The following ANO8 variants were observed in gnomAD, a reference collection of about 807,000 sequenced individuals.
ANO8 encodes anoctamin 8.
In ANO8, 67 loss-of-function variants were observed where a neutral mutation model predicts 120.4. The observed-to-expected ratio is 0.56, with a 90% CI of 0.46 to 0.68. The LOEUF is 0.68. Among genes scored for constraint, ANO8 ranks in the 30% least tolerant of loss-of-function variants. ANO8 has a pLI of 0.00. For synonymous variants in ANO8, 727 were observed against 759.2 expected, an observed-to-expected ratio of 0.96 and a Z score of 0.70; for missense variants, 1,526 against 1,737.6, an observed-to-expected ratio of 0.88 and a Z score of 2.16.
rs73511896 is a variant in ANO8, at chr19:17,328,569, G to A, written c.1819C>T (p.Leu607Phe). 2,765 of 1,547,590 alleles carry A rather than the reference G, an allele frequency of 1.8e-3. 37 individuals carry two copies. In the African/African-American group the frequency reaches 0.032, roughly 18 times the overall value. The change falls in exon 13 of 18, where the codon CTC becomes TTC. Residue 607 changes from leucine (L) to phenylalanine (F), a missense_variant. Coordinates refer to ENST00000159087, the MANE Select transcript of ANO8 (RefSeq NM_020959.3). The part of the protein sequence containing the change: ...EDEEEGEEGG[L>F]LDCGLRLKKV... ...TTCAGCCGGAGCCCGCAGTCCAGGA[G>A]GCCCCCTTCCTCGCCCTCCTCCTCG...
At position 17,330,704 on chromosome 19, in the gene ANO8, G is replaced by A. The variant is rs1261357389; in HGVS notation, c.993+124C>T. 4.8e-6 allele frequency: 7 copies of A among 1,447,596 alleles called. No individual in the cohort carries two copies. In the South Asian group the frequency reaches 5.4e-5, roughly 11 times the overall value. 89.7% of individuals were successfully genotyped at this position (1,447,596 alleles called of 1,614,324 possible). On this transcript the variant is annotated intron_variant, in intron 8 of 17. Transcript: ENST00000159087. ...CTGGGGAGCACACAGAGCCCGCCTC[G>A]GTTTGGCATACCCTCTTTGATGAAA... is the stretch of plus-strand genomic sequence containing the variant.
chr19:17,331,047 C>T, intron 7 of ANO8, 41 bp downstream of exon 7: 1 of 1,613,578 alleles, frequency 6.2e-7, no homozygotes, highest in East Asian at 2.2e-5. Flanking sequence ...AAGGAGGGCG[C>T]CTCTGGATCC....
At position 17,331,320 on chromosome 19, in the gene ANO8, C is replaced by A. The variant is rs1336543063; in HGVS notation, c.678G>T (p.Gln226His). The A allele has an allele frequency of 1.9e-6, 3 of 1,614,064 alleles. No individual in the cohort carries two copies. The African/African-American group carries it at 4.0e-5, about 22-fold the overall frequency. The change falls in exon 6 of 18, where the codon CAG becomes CAT. Residue 226 changes from glutamine to histidine, a missense_variant. Around this residue, in one of 8 missense-constraint regions of ANO8, gnomAD observed 322 missense variants for 431.8 expected, o/e 0.75. Transcript: ENST00000159087. The stretch of plus-strand genomic sequence containing the variant: ...CTAGAGGCTGGTTTTCACACACGGC[C>A]TGCACCCATGACTTCATGAGGCGGT... ...ILNRLMKSWV[Q>H]AVCENQPLDD...
chr19:17,328,268 C>G lies in ANO8; in HGVS notation c.2120G>C (p.Arg707Pro). 6.2e-7 allele frequency: 1 copy of G among 1,610,608 alleles called. No homozygotes were observed. Among genetic ancestry groups the G allele is most frequent in the Non-Finnish European group, 8.5e-7 (1 of 1,178,850 alleles). The change falls in exon 13 of 18, where the codon CGT becomes CCT. Residue 707 changes from arginine to proline, a missense_variant. Physicochemically the swap from Arg to Pro is moderately radical, Grantham distance 103. Coordinates refer to ENST00000159087, the MANE Select transcript of ANO8 (RefSeq NM_020959.3). ...PEPGSNSDSTRRQRRQNRSSW... is the reference protein window; with the variant it reads ...PEPGSNSDSTPRQRRQNRSSW... The stretch of plus-strand genomic sequence containing the variant: ...CGACCGGTTCTGCCGTCTCTGCCTA[C>G]GGGTCGAATCGCTGTTGGAGCCGGG...
rs1656521731 is a variant in ANO8, at chr19:17,333,554, T to C, written c.218A>G (p.Asp73Gly). Reference sequence around the variant, plus strand: ...TAGCAGCGTGTGGTCATCGGTCGTGTCTGCCAAGGGGCACAGGGACCGATG... The same window carrying C: ...TAGCAGCGTGTGGTCATCGGTCGTGCCTGCCAAGGGGCACAGGGACCGATG... ...ENCDVLMTFP[D>G]TTDDHTLLWL... Residue 73 changes from aspartate to glycine, a missense_variant and splice_region_variant, in exon 3 of 18, where the codon GAC (aspartate) becomes GGC (glycine). Asp to Gly is a moderately conservative substitution (Grantham distance 94). Around this residue, in one of 8 missense-constraint regions of ANO8, gnomAD observed 322 missense variants for 431.8 expected, o/e 0.75. Transcript: ENST00000159087. The surrounding 1 kb of genome is among the most constrained non-coding windows in gnomAD (Gnocchi z 7.2). The C allele has an allele frequency of 1.9e-6, 3 of 1,612,680 alleles. No homozygotes were observed. Among genetic ancestry groups the C allele is most frequent in the Non-Finnish European group, 2.5e-6 (3 of 1,179,946 alleles).
In ANO8 at chr19:17,333,220, C is replaced by T. The variant is rs1307854787; in HGVS notation, c.370G>A (p.Glu124Lys). The change falls in exon 4 of 18, where the codon GAG (glutamate) becomes AAG (lysine). Residue 124 changes from glutamate (E) to lysine (K), a missense_variant. Glu to Lys is a moderately conservative substitution (Grantham distance 56). Transcript: ENST00000159087. The surrounding 1 kb of genome is among the most constrained non-coding windows in gnomAD (Gnocchi z 7.2). ...TTCACTGCTTTGCGCAGACCCAGCTCGTCGGCCCCTCGGAGTAGGCTGTGA... is the reference window on the plus strand; with the variant it reads ...TTCACTGCTTTGCGCAGACCCAGCTTGTCGGCCCCTCGGAGTAGGCTGTGA... ...TYESLLRGADELGLRKAVKAE... is the reference protein window; with the variant it reads ...TYESLLRGADKLGLRKAVKAE... 1.2e-6 allele frequency: 2 copies of T among 1,609,994 alleles called. No homozygotes were observed. Among genetic ancestry groups the T allele is most frequent in the South Asian group, 1.1e-5 (1 of 90,778 alleles).
intron 5 of ANO8, 108 bp downstream of exon 5, chr19:17,332,822 C>A: frequency 2.3e-6 from 3 of 1,282,478 alleles, no homozygotes; most frequent in Non-Finnish European, 1.1e-6. Flanking sequence ...TCTTTGCCAA[C>A]CCCTGACTGG....
intron 1 of ANO8, 136 bp downstream of exon 1, chr19:17,334,429 G>C (rs1157847132): frequency 2.5e-6 from 2 of 789,134 alleles, no homozygotes; most frequent in Non-Finnish European, 3.9e-6. Context: ...GGCCGCAGCC[G>C]CAGTGCCGGG....
rs1304486168 is a variant in ANO8 at position 17,327,919 on chromosome 19, C to G, written c.2227-39G>C. ...GGCCTCAGACCTGGAAGCCTCTTCCCTGGGACAATCTTTCTCCCATTGAGC... is the reference window on the plus strand; with the variant it reads ...GGCCTCAGACCTGGAAGCCTCTTCCGTGGGACAATCTTTCTCCCATTGAGC... On this transcript the variant is annotated intron_variant, in intron 13 of 17. Transcript: ENST00000159087. The G allele has an allele frequency of 1.1e-5, 18 of 1,594,456 alleles. No individual in the cohort carries two copies. The South Asian group carries it at 2.0e-4, about 18-fold the overall frequency.
In ANO8 at chr19:17,330,340, A is replaced by C. The variant is rs760295764; in HGVS notation, c.1146+12T>G. ...TACCAAGGACAGGGCGGGTGAGGGT[A>C]TGGGGGGTCACCTGCAGCTGGAAGC... On this transcript the variant is annotated intron_variant, in intron 9 of 17. Transcript: ENST00000159087. 1 of 1,606,042 alleles carries C rather than the reference A, an allele frequency of 6.2e-7. No individual in the cohort carries two copies. Among genetic ancestry groups the C allele is most frequent in the Admixed American group, 1.7e-5 (1 of 59,310 alleles).
chr19:17,334,794 G>C lies in ANO8; in HGVS notation c.-124C>G, dbSNP rs939800819. The C allele has an allele frequency of 2.6e-6, 3 of 1,163,002 alleles. No homozygotes were observed. The highest frequency in any genetic ancestry group is 3.4e-6 in the Non-Finnish European group (3 of 877,566). The allele number at this position is 1,163,002 out of a possible 1,614,324, so 72.0% of individuals were successfully genotyped here. A position where few individuals can be genotyped will look rare whatever the true frequency, so the allele number is the denominator to read the frequency against. On this transcript the variant is annotated 5_prime_UTR_variant, in exon 1 of 18. Coordinates refer to ENST00000159087, the MANE Select transcript of ANO8 (RefSeq NM_020959.3). Reference sequence around the variant, plus strand: ...GACAAAGGCCGCGCCCGCCCGCGCCGGCCTCGGTCCTCGCTCGCCCGAGCG... The same window carrying C: ...GACAAAGGCCGCGCCCGCCCGCGCCCGCCTCGGTCCTCGCTCGCCCGAGCG...
At position 17,332,978 on chromosome 19, in the gene ANO8, G is replaced by A. The variant is rs761091113; in HGVS notation, c.538C>T (p.Gln180Ter). 1.2e-6 allele frequency: 2 copies of A among 1,614,184 alleles called. No individual in the cohort carries two copies. Residue 180 changes from glutamine (Q) to a stop codon, truncating the protein, a stop_gained, in exon 5 of 18, where the codon CAG becomes TAG. Transcript: ENST00000159087. LOFTEE classifies it high-confidence loss of function. ...RFWLQNLRAK[Q>*]GEALHNVRFL... ...CGCACGTTGTGGAGTGCTTCTCCCT[G>A]CTTGGCACGCAAATTCTGCAGCCAG...
In ANO8 at chr19:17,334,752, A is replaced by G; in HGVS notation, c.-82T>C. On this transcript the variant is annotated 5_prime_UTR_variant, in exon 1 of 18. Transcript: ENST00000159087. ...GCTCATGGGGCCGGTGCAGCCGCGG[A>G]GCGCGCGGGAGGAGGAGACAAAGGC... 8.1e-7 allele frequency: 1 copy of G among 1,233,358 alleles called. No homozygotes were observed. The allele number at this position is 1,233,358 out of a possible 1,614,324, so 76.4% of individuals were successfully genotyped here.
Position 17,334,717 on chromosome 19 carries a change from GGAGCCGCGGGCTCATGGGGCCGGT to G in ANO8, c.-71_-48del, listed in dbSNP as rs888495422. Reference sequence around the variant, plus strand: ...GGGCTACGGACGGCCCGGGCGACGGGGAGCCGCGGGCTCATGGGGCCGGTGCAGCCGCGGAGCGCGCGGGAGGAG... The same window carrying G: ...GGGCTACGGACGGCCCGGGCGACGGGGCAGCCGCGGAGCGCGCGGGAGGAG... On this transcript the variant is annotated 5_prime_UTR_variant, in exon 1 of 18. It removes an upstream start codon present in the reference 5' UTR. Transcript: ENST00000159087. 18 of 1,328,292 alleles carry G rather than the reference GGAGCCGCGGGCTCATGGGGCCGGT, an allele frequency of 1.4e-5. No individual in the cohort carries two copies. The highest frequency in any genetic ancestry group is 1.7e-5 in the Non-Finnish European group (18 of 1,036,448). The allele number at this position is 1,328,292 out of a possible 1,614,324, so 82.3% of individuals were successfully genotyped here.
chr19:17,324,699 C>CGAGT lies in ANO8; in HGVS notation c.3331+14_3331+17dup. The CGAGT allele has an allele frequency of 6.6e-7, 1 of 1,516,052 alleles. No homozygotes were observed. Among genetic ancestry groups the CGAGT allele is most frequent in the East Asian group, 2.3e-5 (1 of 43,926 alleles). 93.9% of individuals were successfully genotyped at this position (1,516,052 alleles called of 1,614,324 possible). A position where few individuals can be genotyped will look rare whatever the true frequency, so the allele number is the denominator to read the frequency against. ...AAAGCCGGCCCGGCGTCCCCACCCCCGAGTTAAAGCTTGTGACCTGAGCCT... is the reference window on the plus strand; with the variant it reads ...AAAGCCGGCCCGGCGTCCCCACCCCCGAGTGAGTTAAAGCTTGTGACCTGAGCCT... On this transcript the variant is annotated intron_variant, in intron 17 of 17. Coordinates refer to ENST00000159087, the MANE Select transcript of ANO8 (RefSeq NM_020959.3).
chr19:17,327,163 T>C (rs2074277920), intron 16 of ANO8, 72 bp downstream of exon 16: 2 of 1,303,552 alleles, frequency 1.5e-6, no homozygotes, highest in South Asian at 1.4e-5. Context: ...CGCTAAGGAA[T>C]TGGCCACCAA....
intron 16 of ANO8, among the ~76,000 whole-genome samples, chr19:17,326,871 C>T (rs560077136): frequency 1.3e-5 from 2 of 152,162 alleles, no homozygotes; most frequent in East Asian, 1.9e-4. Flanking sequence ...GGGCCAGCCT[C>T]GTGCTGGATG....
chr19:17,334,818 C>T lies in ANO8; in HGVS notation c.-148G>A. On this transcript the variant is annotated 5_prime_UTR_variant, in exon 1 of 18. Coordinates refer to ENST00000159087, the MANE Select transcript of ANO8 (RefSeq NM_020959.3). The stretch of plus-strand genomic sequence containing the variant: ...CGGCCTCGGTCCTCGCTCGCCCGAG[C>T]GCTGCTTCTCGTCCCCGCCCGAGCC... The T allele has an allele frequency of 8.2e-7, 1 of 1,224,852 alleles. No homozygotes were observed. The highest frequency in any genetic ancestry group is 1.5e-5 in the African/African-American group (1 of 64,618). The allele number at this position is 1,224,852 out of a possible 1,614,324, so 75.9% of individuals were successfully genotyped here.
At position 17,327,300 on chromosome 19, in the gene ANO8, C is replaced by T. The variant is rs899931873; in HGVS notation, c.2596G>A (p.Asp866Asn). 1.9e-6 allele frequency: 3 copies of T among 1,549,690 alleles called. No individual in the cohort carries two copies. Among genetic ancestry groups the T allele is most frequent in the Middle Eastern group, 2.2e-4 (1 of 4,604 alleles). ...LKYLIHVAIP[D>N]IPGWVAEEMA... Reference sequence around the variant, plus strand: ...TCCTCGGCCACCCAGCCCGGGATATCGGGGATGGCCACGTGGATGAGGTAC... The same window carrying T: ...TCCTCGGCCACCCAGCCCGGGATATTGGGGATGGCCACGTGGATGAGGTAC... Residue 866 changes from aspartate to asparagine, a missense_variant, in exon 16 of 18, where the codon GAT becomes AAT. Asp to Asn is a conservative substitution (Grantham distance 23). This residue lies in a region of ANO8 where 489 missense variants were observed against 548.6 expected (regional missense o/e 0.89). Coordinates refer to ENST00000159087, the MANE Select transcript of ANO8 (RefSeq NM_020959.3).
Sources: allele counts gnomAD v4.1 joint callset (sites outside exome capture counted in the v4.1 genomes callset), GRCh38; gene constraint gnomAD v4.1.1; regional missense constraint gnomAD v4.1.1; non-coding constraint Gnocchi (gnomAD v3.1); transcripts MANE v1.5; gene names NCBI Gene and HGNC (gene_info 2026-07-23, HGNC 2026-07-21).